The following RTTN variants were observed in gnomAD, a reference collection of about 807,000 sequenced individuals.
RTTN encodes the protein rotatin.
RTTN carries 182 observed loss-of-function variants against 269.2 expected under a neutral mutation model. That is an observed-to-expected ratio of 0.68 (90% CI 0.60 to 0.76). RTTN has a LOEUF of 0.76. Among genes scored for constraint, RTTN ranks in the 30% least tolerant of loss-of-function variants. The pLI is 0.00. For missense variants in RTTN, 2,545 were observed against 2,608.6 expected, an observed-to-expected ratio of 0.98 and a Z score of 0.53; for synonymous variants, 1,006 against 963.5, an observed-to-expected ratio of 1.04 and a Z score of -0.82.
Position 70,121,715 on chromosome 18 carries a change from C to T in RTTN, c.3384-15G>A. On this transcript the variant is annotated splice_polypyrimidine_tract_variant and intron_variant, in intron 25 of 48. Coordinates refer to ENST00000640769, the MANE Select transcript of RTTN (RefSeq NM_173630.4). The stretch of plus-strand genomic sequence containing the variant: ...CCTGTAAAAACCTATAATGAAAAGA[C>T]AATAATCATGGTTTCTGGCGCTTTA... The T allele has an allele frequency of 6.6e-7, 1 of 1,525,816 alleles. No individual in the cohort carries two copies. Among genetic ancestry groups the T allele is most frequent in the Non-Finnish European group, 8.8e-7 (1 of 1,142,546 alleles). The allele number at this position is 1,525,816 out of a possible 1,614,324, so 94.5% of individuals were successfully genotyped here. A position where few individuals can be genotyped will look rare whatever the true frequency, so the allele number is the denominator to read the frequency against.
At chr18:70,020,846 C>T in intron 44 of RTTN, 29 bp from the exon 45 acceptor site, 2 of 1,572,980 alleles carry the variant, frequency 1.3e-6, no homozygotes, top group African/African-American at 1.4e-5. Flanking sequence ...ATCACAATGT[C>T]TTCTCAGTTT....
At chr18:70,015,146 T>C (rs1310363634) in intron 46 of RTTN, among the ~76,000 whole-genome samples, 5 of 151,954 alleles carry the variant, frequency 3.3e-5, no homozygotes, top group African/African-American at 1.2e-4. Context: ...TGGCGCGATC[T>C]TGGCTCACTG....
intron 24 of RTTN, 70 bp from the exon 25 acceptor site, chr18:70,127,811 T>G: frequency 7.3e-7 from 1 of 1,371,052 alleles, no homozygotes; most frequent in Non-Finnish European, 9.8e-7. Flanking sequence ...CTTATTTCTA[T>G]TATAAACTCT....
rs765033198 is a variant in RTTN, at chr18:70,020,615, C to T, written c.6153G>A (p.Lys2051=). The part of the protein sequence containing the change: ...LSHDCKGVIQ[K]SNFLQNFLSL... ...ATATGTGGGGAGTTTAAGTGCGTAC[C>T]TTCTGAATTACTCCTTTACAGTCAT... Residue 2051 remains lysine (K), a splice_region_variant and synonymous_variant, in exon 45 of 49, where the codon AAG becomes AAA. Coordinates refer to ENST00000640769, the MANE Select transcript of RTTN (RefSeq NM_173630.4). 9.9e-6 allele frequency: 16 copies of T among 1,612,102 alleles called. No individual in the cohort carries two copies. Among genetic ancestry groups the T allele is most frequent in the Non-Finnish European group, 1.4e-5 (16 of 1,178,514 alleles).
chr18:70,151,113 C>T (rs906563712), intron 14 of RTTN, among the ~76,000 whole-genome samples: 13 of 149,166 alleles, frequency 8.7e-5, no homozygotes, highest in Non-Finnish European at 1.3e-4. Context: ...ACTTCAAGGA[C>T]TTCAAGTTAT....
intron 19 of RTTN, among the ~76,000 whole-genome samples, chr18:70,141,539 C>A (rs1044861859): frequency 6.6e-6 from 1 of 152,108 alleles, no homozygotes; most frequent in Non-Finnish European, 1.5e-5. Context: ...AACCAAACAC[C>A]GCATGTTCTC....
Position 70,109,552 on chromosome 18 carries a change from A to G in RTTN, c.3849T>C (p.Ser1283=), listed in dbSNP as rs763779262. The G allele has an allele frequency of 1.2e-6, 2 of 1,614,002 alleles. No homozygotes were observed. Among genetic ancestry groups the G allele is most frequent in the African/African-American group, 2.7e-5 (2 of 74,890 alleles). The part of the protein sequence containing the change: ...LTAFPGWSSH[S]PLTKPLDICV... The stretch of plus-strand genomic sequence containing the variant: ...AGATATCTAGAGGCTTTGTGAGAGG[A>G]GAGTGTGAGCTCCATCCCGGAAACG... Residue 1283 remains serine, a synonymous_variant, in exon 28 of 49, where the codon TCT becomes TCC. Transcript: ENST00000640769.
chr18:70,193,115 C>A, intron 8 of RTTN, 173 bp downstream of exon 8: 1 of 565,918 alleles, frequency 1.8e-6, no homozygotes, highest in Non-Finnish European at 3.0e-6. Context: ...TACCGTGGAT[C>A]ATGGTCAAAA....
intron 28 of RTTN, among the ~76,000 whole-genome samples, chr18:70,101,425 C>A (rs1217663671): frequency 6.6e-6 from 1 of 151,868 alleles, no homozygotes; most frequent in East Asian, 1.9e-4. Flanking sequence ...TGTTGATATC[C>A]CCTTTATCAT....
At chr18:70,108,036 A>C (rs1298819912) in intron 28 of RTTN, among the ~76,000 whole-genome samples, 1 of 152,238 alleles carries the variant, frequency 6.6e-6, no homozygotes, top group Non-Finnish European at 1.5e-5. Flanking sequence ...GCACTTTGGG[A>C]GGCCAAGACG....
At chr18:70,077,937 G>A (rs2058470509) in intron 32 of RTTN, among the ~76,000 whole-genome samples, 1 of 151,252 alleles carries the variant, frequency 6.6e-6, no homozygotes, top group African/African-American at 2.4e-5. Context: ...AAATTCAAGA[G>A]GCCTAATAAG....
chr18:70,125,803 T>G (rs1599673092), intron 25 of RTTN, among the ~76,000 whole-genome samples: 1 of 152,046 alleles, frequency 6.6e-6, no homozygotes, highest in South Asian at 2.1e-4. Context: ...ATCATTAAAC[T>G]GAATGAAAGC....
intron 40 of RTTN, among the ~76,000 whole-genome samples, chr18:70,043,683 C>T (rs1474042195): frequency 1.3e-5 from 2 of 152,114 alleles, no homozygotes; most frequent in East Asian, 3.8e-4. Flanking sequence ...AAAATGTGTA[C>T]ATGGTAAAAC....
chr18:70,064,231 A>G (rs748397897), intron 35 of RTTN, among the ~76,000 whole-genome samples: 3 of 149,454 alleles, frequency 2.0e-5, no homozygotes, highest in East Asian at 2.0e-4. Flanking sequence ...CCAGCTACTC[A>G]GGAGGCTGAG....
At chr18:70,020,918 C>T in intron 44 of RTTN, 101 bp from the exon 45 acceptor site, 1 of 952,304 alleles carries the variant, frequency 1.1e-6, no homozygotes, top group Non-Finnish European at 1.6e-6. Context: ...AATGACTAGG[C>T]CATTAACCTG....
chr18:70,025,043 G>A (rs546644869), intron 43 of RTTN, among the ~76,000 whole-genome samples, 195 bp from the exon 44 acceptor site: 1 of 152,208 alleles, frequency 6.6e-6, no homozygotes, highest in Non-Finnish European at 1.5e-5. Flanking sequence ...TCAGGACGTC[G>A]CTTCAACACC....
rs2056572677 is a variant in RTTN at position 70,017,408 on chromosome 18, A to G, written c.6420T>C (p.Asn2140=). ...ATGTATGTGTGTGTGAAAACTTACC[A>G]TTAGCCAGGATCTTGGGTTTATTTG... The part of the protein sequence containing the change: ...SPANKPKILA[N]EKVITVLAAC... The change falls in exon 46 of 49, where the codon AAT becomes AAC. Residue 2140 remains asparagine, a splice_region_variant and synonymous_variant. Coordinates refer to ENST00000640769, the MANE Select transcript of RTTN (RefSeq NM_173630.4). 6 of 1,613,508 alleles carry G rather than the reference A, an allele frequency of 3.7e-6. No individual in the cohort carries two copies. The highest frequency in any genetic ancestry group is 5.1e-6 in the Non-Finnish European group (6 of 1,179,688).
intron 27 of RTTN, among the ~76,000 whole-genome samples, chr18:70,110,495 G>T (rs1417994334): frequency 6.6e-6 from 1 of 152,096 alleles, no homozygotes; most frequent in Non-Finnish European, 1.5e-5. Flanking sequence ...AAGGGAAGCC[G>T]TGACAGACTG....
chr18:70,130,914 C>T (rs1331878990), intron 23 of RTTN: 3 of 151,692 alleles, frequency 2.0e-5, no homozygotes, highest in Non-Finnish European at 2.9e-5. Flanking sequence ...TAAATATGTA[C>T]TATTATATAC....
Sources: allele counts gnomAD v4.1 joint callset (sites outside exome capture counted in the v4.1 genomes callset), GRCh38; gene constraint gnomAD v4.1.1; transcripts MANE v1.5; gene names NCBI Gene and HGNC (gene_info 2026-07-23, HGNC 2026-07-21).